The following PRDM5 variants were observed in gnomAD, a reference collection of about 807,000 sequenced individuals.
PRDM5 encodes PR/SET domain 5, also known as PR domain zinc finger protein 5.
Under a neutral mutation model 81.2 loss-of-function variants are expected in PRDM5, and 56 were observed. The observed-to-expected ratio is 0.69, with a 90% CI of 0.56 to 0.86. The LOEUF (loss-of-function observed/expected upper bound fraction) is 0.86, where lower values mean the gene tolerates loss of function less well. PRDM5 is among the 40% of genes least tolerant of loss of function. The pLI, the probability that PRDM5 is intolerant of heterozygous loss-of-function variation, is 0.00. For synonymous variants in PRDM5, 267 were observed against 256.4 expected (o/e 1.04, Z -0.39); for missense variants, 697 against 770.1 (o/e 0.91, Z 1.12).
intron 1 of PRDM5, among the ~76,000 whole-genome samples, chr4:120,915,123 C>T (rs150148604): frequency 8.5e-5 from 13 of 152,256 alleles, no homozygotes; most frequent in African/African-American, 2.4e-4. Flanking sequence ...CCAAAAACCA[C>T]TTGTACCCCT....
chr4:120,705,827 A>G (rs571618739), intron 15 of PRDM5, among the ~76,000 whole-genome samples: 2 of 152,328 alleles, frequency 1.3e-5, no homozygotes, highest in Admixed American at 6.5e-5. Context: ...AGATATTGCA[A>G]TATTCCAGGA....
intron 14 of PRDM5, among the ~76,000 whole-genome samples, chr4:120,721,764 C>T (rs1738641681): frequency 6.6e-6 from 1 of 152,226 alleles, no homozygotes; most frequent in Admixed American, 6.5e-5. Flanking sequence ...TCGAGGTAAA[C>T]ATCCAGAGTG....
chr4:120,922,722 G>A lies in PRDM5; in HGVS notation c.-114C>T. On this transcript the variant is annotated 5_prime_UTR_variant, in exon 1 of 16. Coordinates refer to ENST00000264808, the MANE Select transcript of PRDM5 (RefSeq NM_018699.4). ...AGGGGAGAAACCGGCAGGGAAGGAG[G>A]AAATGGAGTTTTCCTCCCAGAATCC... 3 of 1,415,302 alleles carry A rather than the reference G, an allele frequency of 2.1e-6. No homozygotes were observed. Among genetic ancestry groups the A allele is most frequent in the Non-Finnish European group, 2.9e-6 (3 of 1,030,158 alleles). The allele number at this position is 1,415,302 out of a possible 1,614,324, so 87.7% of individuals were successfully genotyped here. A position where few individuals can be genotyped will look rare whatever the true frequency, so the allele number is the denominator to read the frequency against.
At chr4:120,801,880 T>C (rs1578789637) in intron 8 of PRDM5, among the ~76,000 whole-genome samples, 1 of 151,748 alleles carries the variant, frequency 6.6e-6, no homozygotes, top group Non-Finnish European at 1.5e-5. Context: ...GTTTCTGTAA[T>C]ATATATAATT....
intron 7 of PRDM5, 186 bp downstream of exon 7, chr4:120,816,267 T>A: frequency 1.1e-6 from 1 of 892,178 alleles, no homozygotes; most frequent in Non-Finnish European, 1.8e-6. Context: ...GAACAAATGC[T>A]GCTAAATTCA....
intron 10 of PRDM5, among the ~76,000 whole-genome samples, chr4:120,795,686 G>C (rs188169787): frequency 1.8e-4 from 27 of 152,162 alleles, no homozygotes; most frequent in African/African-American, 6.5e-4. Context: ...GCCGAGGTAG[G>C]CAGATTGCTT....
intron 3 of PRDM5, among the ~76,000 whole-genome samples, chr4:120,841,739 C>T (rs1184920960): frequency 6.6e-6 from 1 of 152,160 alleles, no homozygotes; most frequent in Non-Finnish European, 1.5e-5. Flanking sequence ...CTCACACGTA[C>T]ATGGTTGTTA....
chr4:120,743,580 G>A (rs1742457255), intron 14 of PRDM5, among the ~76,000 whole-genome samples: 2 of 115,808 alleles, frequency 1.7e-5, no homozygotes, highest in Admixed American at 1.9e-4. Flanking sequence ...AAAGGATGGA[G>A]GAAGATCTAC....
chr4:120,918,132 A>G (rs539586712), intron 1 of PRDM5, among the ~76,000 whole-genome samples: 6 of 152,362 alleles, frequency 3.9e-5, no homozygotes, highest in African/African-American at 1.4e-4. Context: ...AATTAATTGT[A>G]GCTGCCATTA....
At chr4:120,895,689 T>C (rs1290240057) in intron 2 of PRDM5, 1 of 152,294 alleles carries the variant, frequency 6.6e-6, no homozygotes, top group Non-Finnish European at 1.5e-5. Context: ...AGCAGGTTTT[T>C]GTTTTGTTTC....
intron 3 of PRDM5, among the ~76,000 whole-genome samples, chr4:120,824,486 T>C (rs1484578145): frequency 6.6e-6 from 1 of 152,178 alleles, no homozygotes; most frequent in African/African-American, 2.4e-5. Flanking sequence ...TAGAAACTTG[T>C]TCAACATCAA....
chr4:120,897,954 CT>C (rs1764833470), intron 2 of PRDM5, among the ~76,000 whole-genome samples: 1 of 152,084 alleles, frequency 6.6e-6, no homozygotes. Context: ...TATTGTCCAG[CT>C]TTTATCATTT....
At chr4:120,886,113 C>T (rs927643510) in intron 2 of PRDM5, among the ~76,000 whole-genome samples, 1 of 152,164 alleles carries the variant, frequency 6.6e-6, no homozygotes, top group Admixed American at 6.5e-5. Flanking sequence ...GAAGAATGCA[C>T]TATGACATTT....
intron 2 of PRDM5, among the ~76,000 whole-genome samples, chr4:120,853,988 C>T (rs896836397): frequency 6.6e-6 from 1 of 152,178 alleles, no homozygotes; most frequent in African/African-American, 2.4e-5. Context: ...ACAGAATCAT[C>T]TCCATAAAAG....
At chr4:120,884,000 A>T (rs1241371966) in intron 2 of PRDM5, among the ~76,000 whole-genome samples, 1 of 152,204 alleles carries the variant, frequency 6.6e-6, no homozygotes, top group East Asian at 1.9e-4. Flanking sequence ...GTGGTGTATA[A>T]ATCTTAATAA....
At chr4:120,745,066 C>CAAA (rs1265369501) in intron 14 of PRDM5, among the ~76,000 whole-genome samples, 1 of 144,596 alleles carries the variant, frequency 6.9e-6, no homozygotes, top group Non-Finnish European at 1.5e-5. Context: ...AGCAGCACAT[C>CAAA]AAAAAGCTTA....
At chr4:120,754,366 T>A (rs1301688359) in intron 14 of PRDM5, among the ~76,000 whole-genome samples, 187 bp downstream of exon 14, 1 of 152,170 alleles carries the variant, frequency 6.6e-6, no homozygotes, top group African/African-American at 2.4e-5. Context: ...TTTCAATTTG[T>A]GTTTTTTTTC....
chr4:120,863,390 A>T (rs549086381), intron 2 of PRDM5, among the ~76,000 whole-genome samples: 79 of 152,034 alleles, frequency 5.2e-4, no homozygotes, highest in African/African-American at 1.9e-3. Context: ...CATGAGTACA[A>T]CAATGGGCTG....
intron 14 of PRDM5, 61 bp downstream of exon 14, chr4:120,754,492 T>A: frequency 8.4e-7 from 1 of 1,183,452 alleles, no homozygotes; most frequent in South Asian, 1.3e-5. Context: ...GTTAAATATA[T>A]TTCTTTTAAA....
Sources: allele counts gnomAD v4.1 joint callset (sites outside exome capture counted in the v4.1 genomes callset), GRCh38; gene constraint gnomAD v4.1.1; transcripts MANE v1.5; gene names NCBI Gene and HGNC (gene_info 2026-07-23, HGNC 2026-07-21).